The following RALGAPA1 variants were observed in gnomAD, a reference collection of about 807,000 sequenced individuals.
The protein encoded by RALGAPA1 is ral GTPase-activating protein subunit alpha-1.
RALGAPA1 carries 52 observed loss-of-function variants against 269.6 expected under a neutral mutation model. The observed-to-expected ratio is 0.19, with a 90% CI of 0.15 to 0.24. The LOEUF (loss-of-function observed/expected upper bound fraction) is 0.24. RALGAPA1 is among the 10% of genes least tolerant of loss of function. RALGAPA1 has a pLI of 1.00. For missense variants in RALGAPA1, 1,917 were observed against 3,013.9 expected (o/e 0.64, Z 8.52); for synonymous variants, 817 against 1,008.3 (o/e 0.81, Z 3.60).
chr14:35,554,149 GT>G (rs1010942112), intron 39 of RALGAPA1, among the ~76,000 whole-genome samples: 3 of 152,014 alleles, frequency 2.0e-5, no homozygotes, highest in Non-Finnish European at 4.4e-5. Flanking sequence ...TGAAATCTGA[GT>G]ACTACTTAAG....
At chr14:35,726,989 C>G (rs2069987874) in intron 13 of RALGAPA1, among the ~76,000 whole-genome samples, 1 of 152,026 alleles carries the variant, frequency 6.6e-6, no homozygotes, top group African/African-American at 2.4e-5. Context: ...GCTTAGAAAG[C>G]TATGTGGCAC....
intron 10 of RALGAPA1, among the ~76,000 whole-genome samples, chr14:35,746,307 G>C (rs571326286): frequency 2.0e-5 from 3 of 152,186 alleles, no homozygotes; most frequent in Admixed American, 6.5e-5. Flanking sequence ...CAGTTATGTG[G>C]GATGAACAGG....
Position 35,803,485 on chromosome 14 carries a change from A to G in RALGAPA1, c.106+5245T>C, listed in dbSNP as rs758555722. On this transcript the variant is annotated intron_variant, in intron 1 of 41. Transcript: ENST00000680220. ...ATTAAAAATTGATATATAGACAATA[A>G]AAATTAACCATTTCTGCTTCTTCAA... Among the ~76,000 whole-genome samples, 2 of 152,130 alleles carry G rather than the reference A, an allele frequency of 1.3e-5. 1 individual carries two copies. The highest frequency in any genetic ancestry group is 2.9e-5 in the Non-Finnish European group (2 of 68,028).
In RALGAPA1 at chr14:35,685,068, G is replaced by T. The variant is rs1201867773; in HGVS notation, c.4155C>A (p.Asn1385Lys). 1.3e-5 allele frequency: 20 copies of T among 1,591,418 alleles called. No individual in the cohort carries two copies. Among genetic ancestry groups the T allele is most frequent in the Non-Finnish European group, 1.7e-5 (20 of 1,168,064 alleles). ...KDLPDILNKQ[N>K]QMRPIDDPGV... Reference sequence around the variant, plus strand: ...CTGGGTCATCAATAGGGCGCATCTGGTTCTGCTTGTTTAGAATATCAGGGA... The same window carrying T: ...CTGGGTCATCAATAGGGCGCATCTGTTTCTGCTTGTTTAGAATATCAGGGA... Residue 1385 changes from asparagine to lysine, a missense_variant, in exon 20 of 42, where the codon AAC (asparagine) becomes AAA (lysine). Around this residue, in one of 11 missense-constraint regions of RALGAPA1, gnomAD observed 615 missense variants for 790.0 expected, o/e 0.78. Coordinates refer to ENST00000680220, the MANE Select transcript of RALGAPA1 (RefSeq NM_001346249.2).
intron 12 of RALGAPA1, among the ~76,000 whole-genome samples, chr14:35,731,135 A>T (rs2070436591): frequency 6.6e-6 from 1 of 152,232 alleles, no homozygotes; most frequent in Admixed American, 6.5e-5. Context: ...AAGAGAGACA[A>T]CAATCACTGC....
chr14:35,752,734 T>C (rs1567158807), intron 7 of RALGAPA1, among the ~76,000 whole-genome samples: 1 of 152,140 alleles, frequency 6.6e-6, no homozygotes, highest in Non-Finnish European at 1.5e-5. Flanking sequence ...AAGCAGGTGG[T>C]TGGCAAAGGC....
chr14:35,742,975 G>A (rs2071707518), intron 10 of RALGAPA1, among the ~76,000 whole-genome samples: 1 of 152,136 alleles, frequency 6.6e-6, no homozygotes, highest in Non-Finnish European at 1.5e-5. Context: ...GTCCTGGACA[G>A]GATGCCATTC....
intron 12 of RALGAPA1, among the ~76,000 whole-genome samples, chr14:35,735,115 G>A (rs370435115): frequency 6.6e-6 from 1 of 152,048 alleles, no homozygotes; most frequent in Non-Finnish European, 1.5e-5. Context: ...TGCTGGTGGG[G>A]ATGTGAACTA....
At chr14:35,554,338 C>CTTTT (rs869302363) in intron 39 of RALGAPA1, among the ~76,000 whole-genome samples, 15 of 85,760 alleles carry the variant, frequency 1.7e-4, no homozygotes, top group Non-Finnish European at 2.3e-4. Flanking sequence ...AATACACTTT[C>CTTTT]TTTTTTTTTT....
At chr14:35,741,197 T>C (rs2071512914) in intron 11 of RALGAPA1, among the ~76,000 whole-genome samples, 1 of 152,142 alleles carries the variant, frequency 6.6e-6, no homozygotes, top group South Asian at 2.1e-4. Flanking sequence ...TAGTAAATGA[T>C]GTGGGGTAGG....
intron 37 of RALGAPA1, among the ~76,000 whole-genome samples, chr14:35,581,711 A>G (rs2057962741): frequency 6.6e-6 from 1 of 152,134 alleles, no homozygotes. Context: ...GGCTATAATT[A>G]TTTTTTTAAA....
intron 7 of RALGAPA1, among the ~76,000 whole-genome samples, chr14:35,754,902 CA>C (rs2073038632): frequency 6.6e-6 from 1 of 151,986 alleles, no homozygotes; most frequent in Non-Finnish European, 1.5e-5. Flanking sequence ...TCAAAATAAT[CA>C]AACAGAAAAC....
chr14:35,739,065 C>T (rs2071313471), intron 11 of RALGAPA1, among the ~76,000 whole-genome samples: 1 of 152,022 alleles, frequency 6.6e-6, no homozygotes, highest in Non-Finnish European at 1.5e-5. Flanking sequence ...TTATGTTTAT[C>T]CTACTTAGGA....
intron 1 of RALGAPA1, among the ~76,000 whole-genome samples, chr14:35,805,148 G>A (rs998956571): frequency 1.3e-5 from 2 of 152,020 alleles, no homozygotes; most frequent in South Asian, 2.1e-4. Flanking sequence ...AAAAGGCGGG[G>A]CGCCGTGGCT....
At chr14:35,760,023 T>C (rs943142658) in intron 6 of RALGAPA1, among the ~76,000 whole-genome samples, 2 of 152,026 alleles carry the variant, frequency 1.3e-5, no homozygotes, top group Non-Finnish European at 2.9e-5. Context: ...CATTTTTAAA[T>C]AGCAGTACTA....
chr14:35,720,031 C>T (rs1595306495), intron 16 of RALGAPA1, among the ~76,000 whole-genome samples: 3 of 152,048 alleles, frequency 2.0e-5, no homozygotes, highest in South Asian at 4.3e-4. Flanking sequence ...GGATTACAGG[C>T]GTAAGCCACC....
intron 31 of RALGAPA1, among the ~76,000 whole-genome samples, chr14:35,647,874 G>A (rs1371034685): frequency 6.6e-6 from 1 of 152,072 alleles, no homozygotes. Context: ...CTTGAACCTG[G>A]GAGGCGGAGG....
At chr14:35,629,964 T>C (rs1278894739) in intron 33 of RALGAPA1, among the ~76,000 whole-genome samples, 6 of 151,332 alleles carry the variant, frequency 4.0e-5, no homozygotes, top group Admixed American at 3.9e-4. Context: ...TATACCTCAA[T>C]AAACCTAACT....
intron 1 of RALGAPA1, among the ~76,000 whole-genome samples, chr14:35,785,465 A>C (rs556812664): frequency 2.0e-5 from 3 of 152,338 alleles, no homozygotes; most frequent in Admixed American, 6.5e-5. Flanking sequence ...TGGAAAATGC[A>C]TTACACTGAA....
Sources: gnomAD v4.1 joint callset for allele counts (sites outside exome capture counted in the v4.1 genomes callset) on GRCh38, gnomAD v4.1.1 for gene constraint, gnomAD v4.1.1 regional missense constraint, MANE v1.5 for transcripts, NCBI Gene and HGNC (gene_info 2026-07-23, HGNC 2026-07-21) for gene names.